The following SCEL variants were observed in gnomAD, a reference collection of about 807,000 sequenced individuals.
The protein encoded by SCEL is sciellin.
Under a neutral mutation model 117.6 loss-of-function variants are expected in SCEL, and 113 were observed. The observed-to-expected ratio is 0.96, with a 90% confidence interval of 0.83 to 1.12. The LOEUF (loss-of-function observed/expected upper bound fraction) is 1.12. SCEL is among the 50% of genes most tolerant of loss of function. The probability of loss-of-function intolerance (pLI) is 0.00; values close to 1 mark genes in which losing one functional copy is unlikely to be tolerated. For synonymous variants in SCEL, 270 were observed against 256.2 expected (o/e 1.05, Z -0.51); for missense variants, 785 against 810.8 (o/e 0.97, Z 0.39).
At chr13:77,585,374 AAGG>A (rs2086502049) in intron 9 of SCEL, among the ~76,000 whole-genome samples, 1 of 152,192 alleles carries the variant, frequency 6.6e-6, no homozygotes, top group South Asian at 2.1e-4. Context: ...TGAAGGGAAG[AAGG>A]AGGTGCTCCA....
chr13:77,640,572 A>C (rs1354465385), intron 30 of SCEL, 104 bp from the exon 31 acceptor site: 1 of 447,480 alleles, frequency 2.2e-6, no homozygotes, highest in Non-Finnish European at 3.9e-6. Context: ...TTCTAAAGTA[A>C]AGTATCATCA....
rs1378650736 is a variant in SCEL, at chr13:77,645,172, A to G, written c.*898A>G. 1 of 152,130 alleles carries G rather than the reference A, an allele frequency of 6.6e-6. No individual in the cohort carries two copies. The allele number at this position is 152,130 out of a possible 1,614,324, so 9.4% of individuals were successfully genotyped here. ...AGTAATGGTTATGGACTAAAAAGAT[A>G]TGTTCTTTAGTATGTTATATATACT... On this transcript the variant is annotated 3_prime_UTR_variant, in exon 33 of 33. Transcript: ENST00000349847.
chr13:77,630,108 G>A (rs867703115), intron 28 of SCEL, among the ~76,000 whole-genome samples: 1 of 152,130 alleles, frequency 6.6e-6, no homozygotes, highest in African/African-American at 2.4e-5. Flanking sequence ...TTGGGGAAGA[G>A]GGATTCTAGT....
intron 1 of SCEL, among the ~76,000 whole-genome samples, chr13:77,549,894 G>A (rs575662938): frequency 6.6e-6 from 1 of 152,232 alleles, no homozygotes; most frequent in East Asian, 1.9e-4. Context: ...GGATGGGACT[G>A]GGATAATCTT....
chr13:77,634,412 G>A lies in SCEL; in HGVS notation c.1725G>A (p.Gln575=), dbSNP rs765354954. 1 of 1,613,418 alleles carries A rather than the reference G, an allele frequency of 6.2e-7. No homozygotes were observed. Among genetic ancestry groups the A allele is most frequent in the Non-Finnish European group, 8.5e-7 (1 of 1,179,564 alleles). ...CTGGAGCCAAGCAGGCAGGACCACA[G>A]GATACTGTTGTGTACACAAGGACAT... ...SNTGAKQAGP[Q]DTVVYTRTYV... The change falls in exon 29 of 33, where the codon CAG becomes CAA. Residue 575 remains glutamine, a synonymous_variant. Transcript: ENST00000349847.
chr13:77,578,491 TGA>T (rs531388323), intron 9 of SCEL, among the ~76,000 whole-genome samples: 1 of 152,158 alleles, frequency 6.6e-6, no homozygotes, highest in South Asian at 2.1e-4. Context: ...TTGGAGAATA[TGA>T]ATGTACAAAT....
chr13:77,602,622 C>G lies in SCEL; in HGVS notation c.978-32C>G, dbSNP rs750710010. 3 of 1,591,540 alleles carry G rather than the reference C, an allele frequency of 1.9e-6. No homozygotes were observed. The South Asian group carries it at 3.3e-5, about 18-fold the overall frequency. ...ATTTCAGAGAAAATTGTACTGTAAC[C>G]TAACTGACAAGTTTTGGTGTTTTTT... is the stretch of plus-strand genomic sequence containing the variant. On this transcript the variant is annotated intron_variant, in intron 16 of 32. Transcript: ENST00000349847.
chr13:77,538,502 A>G (rs2083531713), intron 1 of SCEL, among the ~76,000 whole-genome samples: 1 of 152,060 alleles, frequency 6.6e-6, no homozygotes, highest in Non-Finnish European at 1.5e-5. Context: ...TTTTCCATGA[A>G]CTTGTGATTT....
intron 11 of SCEL, 129 bp downstream of exon 11, chr13:77,591,589 A>G: frequency 1.7e-6 from 1 of 602,520 alleles, no homozygotes; most frequent in South Asian, 2.4e-5. Flanking sequence ...ACTCCAAAAT[A>G]TTAATAAATG....
chr13:77,641,860 T>C (rs903963986), intron 31 of SCEL, among the ~76,000 whole-genome samples: 2 of 152,124 alleles, frequency 1.3e-5, no homozygotes, highest in Non-Finnish European at 2.9e-5. Flanking sequence ...AGCAAAACAT[T>C]CCAATTTTAG....
At chr13:77,551,676 TTTTG>T (rs569934911) in intron 1 of SCEL, among the ~76,000 whole-genome samples, 27 of 152,122 alleles carry the variant, frequency 1.8e-4, no homozygotes, top group Non-Finnish European at 3.1e-4. Context: ...GGCCTCGTTT[TTTTG>T]TTTGTTTGTT....
chr13:77,608,338 G>T (rs377077015), intron 20 of SCEL, among the ~76,000 whole-genome samples: 2 of 152,252 alleles, frequency 1.3e-5, no homozygotes, highest in South Asian at 2.1e-4. Flanking sequence ...GGTGGCTCAC[G>T]CCTGTAATCC....
At chr13:77,642,857 C>A in intron 32 of SCEL, 49 bp downstream of exon 32, 2 of 905,978 alleles carry the variant, frequency 2.2e-6, no homozygotes, top group Non-Finnish European at 3.4e-6. Flanking sequence ...CCTTAATGAG[C>A]ATTTGGTATC....
At chr13:77,603,434 A>G (rs1478274866) in intron 18 of SCEL, among the ~76,000 whole-genome samples, 2 of 152,170 alleles carry the variant, frequency 1.3e-5, no homozygotes, top group Admixed American at 6.5e-5. Flanking sequence ...CAAAATTTTC[A>G]AAGTGTATTT....
chr13:77,634,274 A>G (rs1167107581), intron 28 of SCEL, 105 bp from the exon 29 acceptor site: 4 of 942,140 alleles, frequency 4.2e-6, no homozygotes, highest in East Asian at 5.2e-5. Context: ...ATAGTTCAGA[A>G]GGAACATATA....
intron 22 of SCEL, among the ~76,000 whole-genome samples, chr13:77,610,981 A>G (rs1481493932): frequency 6.6e-6 from 1 of 152,232 alleles, no homozygotes; most frequent in Non-Finnish European, 1.5e-5. Context: ...GAATTTGAAC[A>G]TGAGTTAGAT....
At chr13:77,600,437 A>T (rs1014361880) in intron 15 of SCEL, among the ~76,000 whole-genome samples, 1 of 152,086 alleles carries the variant, frequency 6.6e-6, no homozygotes, top group African/African-American at 2.4e-5. Context: ...CCACCACTGA[A>T]GTCTTTAGAG....
At chr13:77,551,927 G>A (rs1225439949) in intron 1 of SCEL, among the ~76,000 whole-genome samples, 15 of 139,474 alleles carry the variant, frequency 1.1e-4, no homozygotes, top group African/African-American at 2.2e-4. Flanking sequence ...TCCCATCTAT[G>A]AGTGAGAATA....
chr13:77,628,550 G>A (rs1195192212), intron 28 of SCEL, among the ~76,000 whole-genome samples: 4 of 152,036 alleles, frequency 2.6e-5, no homozygotes, highest in African/African-American at 9.7e-5. Flanking sequence ...AGAAAGGTTA[G>A]GACAGGAGCT....
Sources: gnomAD v4.1 joint callset for allele counts (sites outside exome capture counted in the v4.1 genomes callset) on GRCh38, gnomAD v4.1.1 for gene constraint, MANE v1.5 for transcripts, NCBI Gene and HGNC (gene_info 2026-07-23, HGNC 2026-07-21) for gene names.